Variants in CSMD1 observed in about 807,000 individuals in gnomAD.
The protein encoded by CSMD1 is CUB and sushi domain-containing protein 1.
A neutral mutation model predicts 417.5 loss-of-function variants in CSMD1; 213 were observed. The observed-to-expected ratio is 0.51, with a 90% CI of 0.46 to 0.57. CSMD1 has a LOEUF of 0.57. CSMD1 is among the 20% of genes least tolerant of loss of function. The pLI, the probability that CSMD1 is intolerant of heterozygous loss-of-function variation, is 0.00. For missense variants in CSMD1, 6,923 were observed against 4,529.7 expected, an observed-to-expected ratio of 1.53 and a Z score of -15.17; for synonymous variants, 2,862 against 1,736.8, an observed-to-expected ratio of 1.65 and a Z score of -16.11.
chr8:4,734,542 T>G (rs922782521), intron 1 of CSMD1, among the ~76,000 whole-genome samples: 2 of 152,312 alleles, frequency 1.3e-5, no homozygotes, highest in East Asian at 3.9e-4. Context: ...GAAACGTATT[T>G]GGTAGCGAAG....
chr8:3,913,139 T>G (rs761469221), intron 5 of CSMD1, among the ~76,000 whole-genome samples: 32 of 152,092 alleles, frequency 2.1e-4, no homozygotes, highest in Non-Finnish European at 3.4e-4. Flanking sequence ...ACCTTGAAAT[T>G]TGAAGTATCC....
At chr8:3,461,114 G>C (rs569081433) in intron 12 of CSMD1, among the ~76,000 whole-genome samples, 1 of 152,310 alleles carries the variant, frequency 6.6e-6, no homozygotes, top group African/African-American at 2.4e-5. Context: ...CCCACCATCA[G>C]ATGCGGCCCT....
chr8:3,089,363 G>T (rs560832909), intron 48 of CSMD1, among the ~76,000 whole-genome samples: 1 of 152,320 alleles, frequency 6.6e-6, no homozygotes, highest in South Asian at 2.1e-4. Context: ...AGTATGAAAA[G>T]GACATTGTTA....
chr8:3,039,975 T>G (rs374026672), intron 50 of CSMD1, among the ~76,000 whole-genome samples: 6 of 152,262 alleles, frequency 3.9e-5, no homozygotes, highest in South Asian at 4.2e-4. Flanking sequence ...AAGGGTAGTT[T>G]CCAAGCAGGT....
intron 3 of CSMD1, among the ~76,000 whole-genome samples, chr8:4,254,931 T>C (rs1186956030): frequency 6.6e-6 from 1 of 152,170 alleles, no homozygotes; most frequent in Non-Finnish European, 1.5e-5. Context: ...TTCCCATCAC[T>C]AATCAACACA....
At chr8:4,550,961 T>C (rs992807420) in intron 2 of CSMD1, among the ~76,000 whole-genome samples, 5 of 152,198 alleles carry the variant, frequency 3.3e-5, no homozygotes, top group African/African-American at 1.2e-4. Context: ...TTTCAACGAA[T>C]TCATTAAAAA....
chr8:3,687,017 A>C (rs551607114), intron 7 of CSMD1, among the ~76,000 whole-genome samples: 27 of 152,336 alleles, frequency 1.8e-4, no homozygotes, highest in African/African-American at 6.3e-4. Context: ...GTGACTGGTC[A>C]AGTAGGGGTG....
chr8:4,494,985 G>T (rs1284822642), intron 2 of CSMD1, among the ~76,000 whole-genome samples: 1 of 152,028 alleles, frequency 6.6e-6, no homozygotes, highest in African/African-American at 2.4e-5. Context: ...ATAAAGAAAA[G>T]AAGTACTAAA....
intron 7 of CSMD1, among the ~76,000 whole-genome samples, chr8:3,671,603 CT>C (rs11355134): frequency 0.099 from 11,050 of 111,984 alleles, 1,106 homozygotes; most frequent in Middle Eastern, 0.12. Context: ...ATGATTAGTT[CT>C]ATCTCTTTAG....
chr8:3,163,180 G>A (rs1820000759), intron 37 of CSMD1, among the ~76,000 whole-genome samples: 2 of 152,216 alleles, frequency 1.3e-5, no homozygotes, highest in South Asian at 4.1e-4. Context: ...TGGTGCTAAG[G>A]GCTTGTTGAA....
chr8:3,749,387 C>G (rs1797212037), intron 6 of CSMD1, among the ~76,000 whole-genome samples: 1 of 152,110 alleles, frequency 6.6e-6, no homozygotes, highest in Non-Finnish European at 1.5e-5. Flanking sequence ...TTAAGAGTAG[C>G]AACTGTAGAA....
At chr8:3,292,583 G>T (rs1803661043) in intron 25 of CSMD1, among the ~76,000 whole-genome samples, 2 of 152,062 alleles carry the variant, frequency 1.3e-5, no homozygotes, top group African/African-American at 4.8e-5. Context: ...ATTATGTAAT[G>T]GCCTTCTTTG....
intron 3 of CSMD1, among the ~76,000 whole-genome samples, chr8:4,245,937 C>G (rs766041767): frequency 6.6e-6 from 1 of 152,152 alleles, no homozygotes; most frequent in Non-Finnish European, 1.5e-5. Flanking sequence ...ATTAAAATGA[C>G]TTTTCCTTCT....
chr8:4,263,547 G>A (rs1052612403), intron 3 of CSMD1, among the ~76,000 whole-genome samples: 3 of 152,078 alleles, frequency 2.0e-5, no homozygotes, highest in Non-Finnish European at 4.4e-5. Context: ...CTACTTTGAT[G>A]TCTTTCTTGG....
chr8:3,533,374 C>G (rs1030877982), intron 10 of CSMD1, among the ~76,000 whole-genome samples: 11 of 152,152 alleles, frequency 7.2e-5, no homozygotes, highest in Non-Finnish European at 1.5e-4. Context: ...CTTTATACTC[C>G]TTGAACAGTG....
rs374494372 is a variant in CSMD1 at position 4,871,118 on chromosome 8, G to A, written c.85+123214C>T. The stretch of plus-strand genomic sequence containing the variant: ...GGGAGGAGGCAGTAGCTGGGGCTGG[G>A]AGATAGGTGCAGCCGTGATGAGAAT... On this transcript the variant is annotated intron_variant, in intron 1 of 69. Coordinates refer to ENST00000635120, the MANE Select transcript of CSMD1 (RefSeq NM_033225.6). Among the ~76,000 whole-genome samples, 41 of 152,250 alleles carry A rather than the reference G, an allele frequency of 2.7e-4. 1 individual carries two copies. In the South Asian group the frequency reaches 3.7e-3, roughly 14 times the overall value.
chr8:3,162,199 T>A lies in CSMD1; in HGVS notation c.5804A>T (p.Asp1935Val). 6.2e-7 allele frequency: 1 copy of A among 1,610,780 alleles called. No individual in the cohort carries two copies. The highest frequency in any genetic ancestry group is 8.5e-7 in the Non-Finnish European group (1 of 1,178,624). ...GGGCTCGCACTGGAAGGAGAGCACG[T>A]CGTTCACCATGTACCGATCTCCGAT... ...IKIGDRYMVNDVLSFQCEPGY... is the reference protein window; with the variant it reads ...IKIGDRYMVNVVLSFQCEPGY... The change falls in exon 38 of 70, where the codon GAC (aspartate) becomes GTC (valine). Residue 1935 changes from aspartate to valine, a missense_variant. Coordinates refer to ENST00000635120, the MANE Select transcript of CSMD1 (RefSeq NM_033225.6).
At chr8:3,384,667 T>C (rs981528679) in intron 18 of CSMD1, among the ~76,000 whole-genome samples, 5 of 134,934 alleles carry the variant, frequency 3.7e-5, no homozygotes, top group Non-Finnish European at 7.7e-5. Flanking sequence ...TTAATATAGA[T>C]GCTATTTATA....
rs574443297 is a variant in CSMD1 at position 3,843,575 on chromosome 8, A to G, written c.819-89533T>C. 9.2e-4 allele frequency among the ~76,000 whole-genome samples: 140 copies of G among 152,332 alleles called. No homozygotes were observed. In the South Asian group the frequency reaches 9.7e-3, roughly 11 times the overall value. The stretch of plus-strand genomic sequence containing the variant: ...AGTTATTCACGATGCTTTTATGTCA[A>G]TGCATCCAGTTGGAAGTTTAATATT... On this transcript the variant is annotated intron_variant, in intron 5 of 69. Coordinates refer to ENST00000635120, the MANE Select transcript of CSMD1 (RefSeq NM_033225.6).
Sources: allele counts gnomAD v4.1 joint callset (sites outside exome capture counted in the v4.1 genomes callset), GRCh38; gene constraint gnomAD v4.1.1; transcripts MANE v1.5; gene names NCBI Gene and HGNC (gene_info 2026-07-23, HGNC 2026-07-21).